KLHL1: variants seen among roughly 807,000 people sequenced by gnomAD.
The protein encoded by KLHL1 is kelch-like protein 1.
In KLHL1, 47 loss-of-function variants were observed where a neutral mutation model predicts 77.7. That is an observed-to-expected ratio of 0.60 (90% CI 0.48 to 0.77). KLHL1 has a LOEUF of 0.77. Among genes scored for constraint, KLHL1 ranks in the 30% least tolerant of loss-of-function variants. The probability of loss-of-function intolerance (pLI) is 0.00; values close to 1 mark genes in which losing one functional copy is unlikely to be tolerated. For missense variants in KLHL1, 925 were observed against 910.8 expected (o/e 1.02, Z -0.20); for synonymous variants, 360 against 325.2 (o/e 1.11, Z -1.15).
chr13:70,033,712 C>T (rs1445063080), intron 1 of KLHL1, among the ~76,000 whole-genome samples: 2 of 145,298 alleles, frequency 1.4e-5, no homozygotes, highest in African/African-American at 2.6e-5. Flanking sequence ...CTCCACCTCC[C>T]GGGTTCAAGC....
At chr13:69,788,554 T>C (rs541749756) in intron 7 of KLHL1, among the ~76,000 whole-genome samples, 1 of 152,116 alleles carries the variant, frequency 6.6e-6, no homozygotes, top group Non-Finnish European at 1.5e-5. Flanking sequence ...GAGATATGCC[T>C]AATGCTAAAT....
intron 4 of KLHL1, among the ~76,000 whole-genome samples, chr13:69,914,140 G>C (rs1046656369): frequency 2.6e-5 from 4 of 152,060 alleles, no homozygotes; most frequent in Non-Finnish European, 5.9e-5. Flanking sequence ...GCTTGCAGAC[G>C]GCCTATTGTG....
intron 1 of KLHL1, among the ~76,000 whole-genome samples, chr13:70,037,272 C>T (rs1232130642): frequency 1.3e-5 from 2 of 151,902 alleles, no homozygotes; most frequent in South Asian, 2.1e-4. Flanking sequence ...AAATGGCTTT[C>T]TTTATTAACT....
At chr13:69,860,856 A>T (rs1236451512) in intron 5 of KLHL1, among the ~76,000 whole-genome samples, 2 of 146,550 alleles carry the variant, frequency 1.4e-5, no homozygotes, top group African/African-American at 2.6e-5. Context: ...TACATATTTA[A>T]AAAAAAACAT....
chr13:69,883,109 T>C (rs926699946), intron 4 of KLHL1, among the ~76,000 whole-genome samples: 1 of 152,184 alleles, frequency 6.6e-6, no homozygotes, highest in African/African-American at 2.4e-5. Flanking sequence ...ACCTCCTAAT[T>C]ACACTGCCTA....
chr13:69,710,463 C>T (rs866680904), intron 9 of KLHL1, among the ~76,000 whole-genome samples: 92 of 151,824 alleles, frequency 6.1e-4, no homozygotes, highest in African/African-American at 2.0e-3. Context: ...TACATTTTAC[C>T]AGTAAAACCA....
At chr13:69,728,104 A>G (rs1245832571) in intron 8 of KLHL1, among the ~76,000 whole-genome samples, 2 of 152,014 alleles carry the variant, frequency 1.3e-5, no homozygotes, top group African/African-American at 4.8e-5. Flanking sequence ...AGTAGCCCCA[A>G]CTGAGATTCA....
rs184186007 is a variant in KLHL1 at position 70,044,880 on chromosome 13, T to C, written c.497+62323A>G. 2.8e-3 allele frequency among the ~76,000 whole-genome samples: 427 copies of C among 152,320 alleles called. 3 individuals carry two copies. Among genetic ancestry groups the C allele is most frequent in the African/African-American group, 9.0e-3 (376 of 41,580 alleles). Reference sequence around the variant, plus strand: ...TCAATAGTCAGCACACCAGGAGTTATAGAACTGAACTGGATGGACTCCTGG... The same window carrying C: ...TCAATAGTCAGCACACCAGGAGTTACAGAACTGAACTGGATGGACTCCTGG... On this transcript the variant is annotated intron_variant, in intron 1 of 10. Transcript: ENST00000377844.
intron 1 of KLHL1, among the ~76,000 whole-genome samples, chr13:70,039,052 GCA>G (rs1886307917): frequency 7.5e-6 from 1 of 133,872 alleles, no homozygotes. Context: ...TATATCCTTT[GCA>G]CATTTTTTTT....
intron 7 of KLHL1, among the ~76,000 whole-genome samples, chr13:69,786,860 A>G (rs1876578049): frequency 1.3e-5 from 2 of 152,204 alleles, no homozygotes; most frequent in Non-Finnish European, 2.9e-5. Flanking sequence ...TTATACACCA[A>G]TAACAGACAA....
chr13:69,834,295 A>AAT lies in KLHL1; in HGVS notation c.1414+4679_1414+4680dup, dbSNP rs145099020. On this transcript the variant is annotated intron_variant, in intron 6 of 10. Transcript: ENST00000377844. ...GAAAAAATGAAATTACAATTAGTTA[A>AAT]ATATATATATATATGTATGTATTTA... Among the ~76,000 whole-genome samples the AAT allele has an allele frequency of 6.2e-3, 937 of 151,076 alleles. 7 individuals carry two copies. The highest frequency in any genetic ancestry group is 0.018 in the African/African-American group (739 of 41,178).
intron 1 of KLHL1, among the ~76,000 whole-genome samples, chr13:70,016,562 G>T (rs1196099730): frequency 6.6e-6 from 1 of 152,222 alleles, no homozygotes; most frequent in South Asian, 2.1e-4. Flanking sequence ...GCTTGGGGCA[G>T]TGCTGGCATG....
chr13:70,060,612 G>A (rs1750267579), intron 1 of KLHL1, among the ~76,000 whole-genome samples: 1 of 152,070 alleles, frequency 6.6e-6, no homozygotes, highest in Non-Finnish European at 1.5e-5. Context: ...GGGAGGCTGA[G>A]GCGCGTGGAT....
chr13:69,835,681 A>T (rs1036210487), intron 6 of KLHL1, among the ~76,000 whole-genome samples: 1 of 152,118 alleles, frequency 6.6e-6, no homozygotes, highest in East Asian at 1.9e-4. Context: ...TTAAAATAAT[A>T]TTACCTGACA....
chr13:70,103,566 G>A lies in KLHL1; in HGVS notation c.497+3637C>T, dbSNP rs191410586. Among the ~76,000 whole-genome samples the A allele has an allele frequency of 1.2e-4, 19 of 152,270 alleles. No homozygotes were observed. The East Asian group carries it at 3.7e-3, about 29-fold the overall frequency. On this transcript the variant is annotated intron_variant, in intron 1 of 10. Coordinates refer to ENST00000377844, the MANE Select transcript of KLHL1 (RefSeq NM_020866.3). ...AAGAGATGGAGGTTGCAAAACTAGA[G>A]TTGAAAGAAGATCGTAGCTTAGATT...
chr13:69,975,335 C>T (rs1884512507), intron 2 of KLHL1, among the ~76,000 whole-genome samples: 1 of 151,966 alleles, frequency 6.6e-6, no homozygotes, highest in Non-Finnish European at 1.5e-5. Context: ...TGGAATTTTT[C>T]CTCCATAGTT....
At chr13:70,047,258 A>T (rs934578681) in intron 1 of KLHL1, among the ~76,000 whole-genome samples, 5 of 151,884 alleles carry the variant, frequency 3.3e-5, no homozygotes, top group East Asian at 1.9e-4. Flanking sequence ...TAAAAAAAAA[A>T]ATCACAAGCT....
At chr13:69,946,156 T>A (rs1275083257) in intron 3 of KLHL1, among the ~76,000 whole-genome samples, 1 of 152,166 alleles carries the variant, frequency 6.6e-6, no homozygotes, top group Admixed American at 6.5e-5. Flanking sequence ...AGGAGTCAGA[T>A]CACTGATGCT....
chr13:69,741,078 G>C (rs1298588764), intron 7 of KLHL1, among the ~76,000 whole-genome samples: 2 of 152,046 alleles, frequency 1.3e-5, no homozygotes, highest in African/African-American at 4.8e-5. Flanking sequence ...CTGTGCTTTG[G>C]TTTCCCAAAA....
Sources: gnomAD v4.1 joint callset for allele counts (sites outside exome capture counted in the v4.1 genomes callset) on GRCh38, gnomAD v4.1.1 for gene constraint, MANE v1.5 for transcripts, NCBI Gene and HGNC (gene_info 2026-07-23, HGNC 2026-07-21) for gene names.